SIPA1L3: variants seen among roughly 807,000 people sequenced by gnomAD.
SIPA1L3 encodes the protein signal induced proliferation associated 1 like 3, also known as signal-induced proliferation-associated 1-like protein 3.
Under a neutral mutation model 150.1 loss-of-function variants are expected in SIPA1L3, and 59 were observed. The observed-to-expected ratio is 0.39, with a 90% CI of 0.32 to 0.49. SIPA1L3 has a LOEUF of 0.49. Ranked by LOEUF, SIPA1L3 falls within the 20% of genes least tolerant of loss-of-function variation. The probability of loss-of-function intolerance (pLI) is 0.86; values close to 1 mark genes in which losing one functional copy is unlikely to be tolerated. For synonymous variants in SIPA1L3, 1,070 were observed against 1,077.6 expected, an observed-to-expected ratio of 0.99 and a Z score of 0.14; for missense variants, 2,211 against 2,489.5, an observed-to-expected ratio of 0.89 and a Z score of 2.38.
At chr19:38,193,294 A>G (rs1972843500) in intron 17 of SIPA1L3, among the ~76,000 whole-genome samples, 1 of 149,206 alleles carries the variant, frequency 6.7e-6, no homozygotes, top group Non-Finnish European at 1.5e-5. Context: ...GGTTGTAGTA[A>G]GCTGAGATCG....
chr19:38,179,392 A>G (rs1296170757), intron 15 of SIPA1L3, among the ~76,000 whole-genome samples: 2 of 152,230 alleles, frequency 1.3e-5, no homozygotes, highest in Non-Finnish European at 2.9e-5. Flanking sequence ...CAGTGGGCCA[A>G]GGTTGCACCA....
chr19:37,942,428 G>A (rs377723739), intron 1 of SIPA1L3, among the ~76,000 whole-genome samples: 1 of 150,930 alleles, frequency 6.6e-6, no homozygotes, highest in Non-Finnish European at 1.5e-5. Context: ...CCAGCCTTGT[G>A]AAAGATCAGG....
chr19:38,119,449 A>G lies in SIPA1L3; in HGVS notation c.2435A>G (p.Lys812Arg). 6.2e-7 allele frequency: 1 copy of G among 1,614,198 alleles called. No homozygotes were observed. The highest frequency in any genetic ancestry group is 1.1e-5 in the South Asian group (1 of 91,076). Residue 812 changes from lysine to arginine, a missense_variant, in exon 9 of 22, where the codon AAG becomes AGG. This residue lies in a region of SIPA1L3 where 625 missense variants were observed against 804.2 expected (regional missense o/e 0.78). Coordinates refer to ENST00000222345, the MANE Select transcript of SIPA1L3 (RefSeq NM_015073.3). Reference sequence around the variant, plus strand: ...GAGAACGCCGCGCACAAGTCCGACAAGTTCCACACCATGGCCACCAGGACC... The same window carrying G: ...GAGAACGCCGCGCACAAGTCCGACAGGTTCCACACCATGGCCACCAGGACC... Reference protein sequence around the residue: ...NAENAAHKSDKFHTMATRTRQ... With the variant: ...NAENAAHKSDRFHTMATRTRQ...
intron 3 of SIPA1L3, among the ~76,000 whole-genome samples, chr19:38,088,042 T>G (rs1725479): frequency 0.16 from 24,470 of 152,176 alleles, 2,099 homozygotes; most frequent in African/African-American, 0.22. Context: ...GTGTTGAAGT[T>G]ACCTAGGTAA....
intron 1 of SIPA1L3, among the ~76,000 whole-genome samples, chr19:37,969,230 C>T (rs1464253399): frequency 6.6e-6 from 1 of 151,842 alleles, no homozygotes; most frequent in East Asian, 1.9e-4. Flanking sequence ...GAGACCCCAT[C>T]TCTGTTAAAA....
chr19:37,944,796 C>T (rs1261526206), intron 1 of SIPA1L3, among the ~76,000 whole-genome samples: 1 of 151,904 alleles, frequency 6.6e-6, no homozygotes, highest in Non-Finnish European at 1.5e-5. Context: ...ACTAAAAGTA[C>T]TAAATTAGCC....
At chr19:38,109,991 A>C in intron 7 of SIPA1L3, 2 of 488,244 alleles carry the variant, frequency 4.1e-6, no homozygotes, top group Non-Finnish European at 7.4e-6. Flanking sequence ...AGCAGAGGGA[A>C]CAGCGGTGCA....
At chr19:38,183,289 G>A (rs1972601582) in intron 16 of SIPA1L3, among the ~76,000 whole-genome samples, 1 of 152,128 alleles carries the variant, frequency 6.6e-6, no homozygotes, top group Non-Finnish European at 1.5e-5. Context: ...CTGCGTGTGG[G>A]GAACAGCCTG....
Position 38,082,599 on chromosome 19 carries a change from T to G in SIPA1L3, c.1034T>G (p.Val345Gly). ...VCQKSFAHFD[V>G]QSMLFDLNEA... is the part of the protein sequence containing the mutation. Reference sequence around the variant, plus strand: ...CAGAAGAGCTTCGCCCACTTCGACGTGCAGAGCATGCTGTTCGACCTCAAC... The same window carrying G: ...CAGAAGAGCTTCGCCCACTTCGACGGGCAGAGCATGCTGTTCGACCTCAAC... The change falls in exon 3 of 22, where the codon GTG becomes GGG. Residue 345 changes from valine to glycine, a missense_variant. Around this residue, in one of 5 missense-constraint regions of SIPA1L3, gnomAD observed 587 missense variants for 534.5 expected, o/e 1.10. Coordinates refer to ENST00000222345, the MANE Select transcript of SIPA1L3 (RefSeq NM_015073.3). The G allele has an allele frequency of 6.2e-7, 1 of 1,604,190 alleles. No individual in the cohort carries two copies. The highest frequency in any genetic ancestry group is 8.5e-7 in the Non-Finnish European group (1 of 1,179,764).
At chr19:38,201,728 C>A in intron 19 of SIPA1L3, 134 bp from the exon 20 acceptor site, 6 of 942,552 alleles carry the variant, frequency 6.4e-6, no homozygotes, top group Non-Finnish European at 9.1e-6. Context: ...AAGAATCTAT[C>A]TAAGTGCCGA....
rs568356670 is a variant in SIPA1L3, at chr19:37,909,548, G to A, written c.-379+2190G>A. ...GTCAAGTCATTAGGGATTAACATACGTAAACCTATGTAACATATGTATTAA... is the reference window on the plus strand; with the variant it reads ...GTCAAGTCATTAGGGATTAACATACATAAACCTATGTAACATATGTATTAA... On this transcript the variant is annotated intron_variant, in intron 1 of 21. Transcript: ENST00000222345. Among the ~76,000 whole-genome samples the A allele has an allele frequency of 6.6e-5, 10 of 152,218 alleles. No individual in the cohort carries two copies. The South Asian group carries it at 1.0e-3, about 16-fold the overall frequency.
chr19:37,924,414 CTTT>C (rs60960790), intron 1 of SIPA1L3, among the ~76,000 whole-genome samples: 1 of 138,406 alleles, frequency 7.2e-6, no homozygotes, highest in Non-Finnish European at 1.5e-5. Context: ...TGTTTTACAG[CTTT>C]TTTTTTTTTT....
Position 37,931,592 on chromosome 19 carries a change from A to AT in SIPA1L3, c.-379+24234_-379+24235insT, listed in dbSNP as rs1197333346. Among the ~76,000 whole-genome samples, 7 of 150,214 alleles carry AT rather than the reference A, an allele frequency of 4.7e-5. No individual in the cohort carries two copies. The East Asian group carries it at 1.4e-3, about 29-fold the overall frequency. ...TGAAACTCCGTCTTTAATAAAAATA[A>AT]AAAAAAAAGTAGCTGGGTGTGATGG... On this transcript the variant is annotated intron_variant, in intron 1 of 21. Coordinates refer to ENST00000222345, the MANE Select transcript of SIPA1L3 (RefSeq NM_015073.3).
chr19:38,101,099 G>A lies in SIPA1L3; in HGVS notation c.1902G>A (p.Gln634=), dbSNP rs1363357858. ...GCATCCTCTATTGCAAGGCCGGCCA[G>A]AGCTCCGAGGAGGAGATGTACAACA... ...KVGILYCKAG[Q]SSEEEMYNNE... The change falls in exon 6 of 22, where the codon CAG becomes CAA. Residue 634 remains glutamine (Q), a synonymous_variant. Transcript: ENST00000222345. 1.9e-6 allele frequency: 3 copies of A among 1,602,892 alleles called. No individual in the cohort carries two copies. The highest frequency in any genetic ancestry group is 2.6e-6 in the Non-Finnish European group (3 of 1,174,412).
At chr19:38,159,543 C>T (rs577753827) in intron 13 of SIPA1L3, among the ~76,000 whole-genome samples, 3 of 152,360 alleles carry the variant, frequency 2.0e-5, no homozygotes, top group African/African-American at 4.8e-5. Context: ...AACAAGAGCT[C>T]CTGCCCATCG....
At chr19:37,977,676 G>A (rs1390135358) in intron 1 of SIPA1L3, among the ~76,000 whole-genome samples, 1 of 152,086 alleles carries the variant, frequency 6.6e-6, no homozygotes, top group Non-Finnish European at 1.5e-5. Flanking sequence ...AGAGACTCCA[G>A]GCTCCAGGCA....
intron 1 of SIPA1L3, among the ~76,000 whole-genome samples, chr19:37,924,424 T>C (rs933150755): frequency 7.3e-5 from 11 of 151,526 alleles, no homozygotes; most frequent in Non-Finnish European, 1.5e-4. Context: ...CTTTTTTTTT[T>C]TTTTTGTATA....
intron 1 of SIPA1L3, among the ~76,000 whole-genome samples, chr19:37,991,640 G>A (rs1967511524): frequency 6.6e-6 from 1 of 152,242 alleles, no homozygotes; most frequent in Non-Finnish European, 1.5e-5. Flanking sequence ...ACCGTGCAGA[G>A]TCACTGTTCC....
rs1420723996 is a variant in SIPA1L3 at position 38,193,608 on chromosome 19, C to T, written c.4668C>T (p.Ser1556=). 2 of 1,565,074 alleles carry T rather than the reference C, an allele frequency of 1.3e-6. No individual in the cohort carries two copies. ...ESLCSGRREP[S]FASPAGLEPG... is the part of the protein sequence containing the mutation. ...TGTGCAGCGGGCGCCGGGAGCCCAGCTTCGCCAGCCCCGCTGGCCTAGAGC... is the reference window on the plus strand; with the variant it reads ...TGTGCAGCGGGCGCCGGGAGCCCAGTTTCGCCAGCCCCGCTGGCCTAGAGC... Residue 1556 remains serine (S), a synonymous_variant, in exon 18 of 22, where the codon AGC becomes AGT. Transcript: ENST00000222345.
Sources: gnomAD v4.1 joint callset for allele counts (sites outside exome capture counted in the v4.1 genomes callset) on GRCh38, gnomAD v4.1.1 for gene constraint, gnomAD v4.1.1 regional missense constraint, MANE v1.5 for transcripts, NCBI Gene and HGNC (gene_info 2026-07-23, HGNC 2026-07-21) for gene names.